MCEE: variants seen among roughly 807,000 people sequenced by gnomAD.
MCEE encodes the protein methylmalonyl-CoA epimerase, mitochondrial.
MCEE carries 6 observed loss-of-function variants against 12.9 expected under a neutral mutation model. That is an observed-to-expected ratio of 0.47 (90% CI 0.26 to 0.92). MCEE has a LOEUF of 0.92. Ranked by LOEUF, MCEE falls within the 40% of genes least tolerant of loss-of-function variation. The probability of loss-of-function intolerance (pLI) is 0.16; values close to 1 mark genes in which losing one functional copy is unlikely to be tolerated. For synonymous variants in MCEE, 78 were observed against 77.9 expected (o/e 1.00, Z -0.01); for missense variants, 214 against 212.1 (o/e 1.01, Z -0.05).
intron 1 of MCEE, among the ~76,000 whole-genome samples, chr2:71,129,036 C>G (rs975211809): frequency 6.6e-6 from 1 of 151,466 alleles, no homozygotes; most frequent in South Asian, 2.1e-4. Context: ...ACCACACACA[C>G]ACACACACAA....
At chr2:71,110,173 C>G in intron 2 of MCEE, 51 bp from the exon 3 acceptor site, 1 of 1,534,880 alleles carries the variant, frequency 6.5e-7, no homozygotes, top group South Asian at 1.1e-5. Context: ...AAAATACCAA[C>G]TTATAGTATC....
At chr2:71,120,629 C>A (rs6733097) in intron 2 of MCEE, among the ~76,000 whole-genome samples, 129,158 of 149,872 alleles carry the variant, frequency 0.86, 56,640 homozygotes, top group East Asian at 1. Context: ...GAGCATGCAC[C>A]AACAGATATA....
intron 1 of MCEE, among the ~76,000 whole-genome samples, chr2:71,125,205 ATATATATT>A (rs1238757807): frequency 9.4e-5 from 4 of 42,656 alleles, no homozygotes; most frequent in African/African-American, 3.1e-4. Context: ...ATATATATAT[ATATATATT>A]TTTTTTTTTT....
intron 1 of MCEE, among the ~76,000 whole-genome samples, chr2:71,125,211 A>ATATATTTT: frequency 3.5e-4 from 17 of 48,598 alleles, no homozygotes; most frequent in East Asian, 2.5e-3. Context: ...ATATATATAT[A>ATATATTTT]TTTTTTTTTT....
chr2:71,124,789 AG>A (rs1184949727), intron 1 of MCEE, among the ~76,000 whole-genome samples: 1 of 152,198 alleles, frequency 6.6e-6, no homozygotes, highest in Non-Finnish European at 1.5e-5. Context: ...TTTAAAACAC[AG>A]GATAACATTT....
chr2:71,124,180 A>G (rs940277270), intron 2 of MCEE, 26 bp downstream of exon 2: 7 of 1,516,588 alleles, frequency 4.6e-6, no homozygotes, highest in African/African-American at 4.1e-5. Context: ...GATTTAAAAT[A>G]CCAGGCATTA....
At chr2:71,125,211 A>ATATATATTTTTTTT in intron 1 of MCEE, among the ~76,000 whole-genome samples, 9 of 48,608 alleles carry the variant, frequency 1.9e-4, no homozygotes, top group South Asian at 8.9e-4. Context: ...ATATATATAT[A>ATATATATTTTTTTT]TTTTTTTTTT....
intron 2 of MCEE, among the ~76,000 whole-genome samples, chr2:71,117,807 A>C (rs1673022130): frequency 2.0e-5 from 3 of 150,054 alleles, no homozygotes; most frequent in African/African-American, 7.6e-5. Flanking sequence ...CTGGGAAGCC[A>C]GGCTCCCATG....
At chr2:71,113,713 A>C (rs1329438841) in intron 2 of MCEE, among the ~76,000 whole-genome samples, 1 of 152,196 alleles carries the variant, frequency 6.6e-6, no homozygotes, top group African/African-American at 2.4e-5. Flanking sequence ...ATAAATATCC[A>C]CAAGTCCATA....
chr2:71,128,528 C>CA (rs1167995507), intron 1 of MCEE, among the ~76,000 whole-genome samples: 1 of 96,554 alleles, frequency 1.0e-5, no homozygotes, highest in African/African-American at 3.4e-5. Context: ...TCTTAAAAAG[C>CA]AATTTTTTTT....
intron 2 of MCEE, among the ~76,000 whole-genome samples, 190 bp downstream of exon 2, chr2:71,124,016 A>C (rs1673157357): frequency 6.6e-6 from 1 of 152,188 alleles, no homozygotes; most frequent in East Asian, 1.9e-4. Context: ...TTAATATTAT[A>C]TGTTAGAATT....
At chr2:71,124,695 G>T in intron 1 of MCEE, 152 bp from the exon 2 acceptor site, 1 of 648,084 alleles carries the variant, frequency 1.5e-6, no homozygotes, top group Non-Finnish European at 2.7e-6. Flanking sequence ...GAGATAAATG[G>T]AAAAACTTAC....
In MCEE at chr2:71,124,239, G is replaced by C; in HGVS notation, c.345C>G (p.Asn115Lys). 3 of 1,614,004 alleles carry C rather than the reference G, an allele frequency of 1.9e-6. No individual in the cohort carries two copies. The highest frequency in any genetic ancestry group is 2.5e-6 in the Non-Finnish European group (3 of 1,179,884). Reference sequence around the variant, plus strand: ...AGATGTGATGCATTCCTCCAGCCTTGTTTTTCTGCAGAAAACCTGCAATTG... The same window carrying C: ...AGATGTGATGCATTCCTCCAGCCTTCTTTTTCTGCAGAAAACCTGCAATTG... ...DSPIAGFLQK[N>K]KAGGMHHICI... The change falls in exon 2 of 3, where the codon AAC becomes AAG. Residue 115 changes from asparagine (N) to lysine (K), a missense_variant. Physicochemically the swap from Asn to Lys is moderately conservative, Grantham distance 94. Transcript: ENST00000244217.
intron 2 of MCEE, among the ~76,000 whole-genome samples, chr2:71,116,427 C>CT (rs1211167215): frequency 1.3e-5 from 2 of 148,982 alleles, no homozygotes; most frequent in African/African-American, 2.6e-5. Flanking sequence ...TTCTTTCTTT[C>CT]TTTTTTTTGG....
rs765300722 is a variant in MCEE, at chr2:71,110,009, T to C, written c.492A>G (p.Lys164=). ...HGKPVIFLHP[K]DCGGVLVELE... is the part of the protein sequence containing the mutation. ...GTTCCACAAGGACTCCACCACAGTC[T>C]TTAGGATGGAGAAAAATCACTGGTT... is the stretch of plus-strand genomic sequence containing the variant. The change falls in exon 3 of 3, where the codon AAA becomes AAG. Residue 164 remains lysine, a synonymous_variant. Transcript: ENST00000244217. 6.2e-7 allele frequency: 1 copy of C among 1,613,788 alleles called. No individual in the cohort carries two copies. The highest frequency in any genetic ancestry group is 8.5e-7 in the Non-Finnish European group (1 of 1,179,826).
chr2:71,124,598 A>C, intron 1 of MCEE, 55 bp from the exon 2 acceptor site: 1 of 1,367,214 alleles, frequency 7.3e-7, no homozygotes, highest in Non-Finnish European at 1.0e-6. Context: ...CGCACTTCTA[A>C]ATTGAATTTT....
Position 71,109,916 on chromosome 2 carries a change from T to C in MCEE, c.*54A>G. 1 of 1,571,618 alleles carries C rather than the reference T, an allele frequency of 6.4e-7. No individual in the cohort carries two copies. The highest frequency in any genetic ancestry group is 1.3e-5 in the African/African-American group (1 of 74,234). ...GACTCAATGTCATAGTACATTTTGA[T>C]AGTATTTGATAGGCTTTTTCAGGTC... On this transcript the variant is annotated 3_prime_UTR_variant, in exon 3 of 3. Coordinates refer to ENST00000244217, the MANE Select transcript of MCEE (RefSeq NM_032601.4).
intron 2 of MCEE, among the ~76,000 whole-genome samples, chr2:71,112,031 A>G: frequency 6.6e-6 from 1 of 152,348 alleles, no homozygotes; most frequent in South Asian, 2.1e-4. Flanking sequence ...GTCAGCAACT[A>G]AAAAGTGTCA....
At chr2:71,125,188 A>AATATATATATATATATAT (rs67615436) in intron 1 of MCEE, among the ~76,000 whole-genome samples, 58 of 65,586 alleles carry the variant, frequency 8.8e-4, no homozygotes, top group Non-Finnish European at 1.6e-3. Context: ...TATATATATA[A>AATATATATATATATATAT]ATATATATAT....
Sources: allele counts gnomAD v4.1 joint callset (sites outside exome capture counted in the v4.1 genomes callset), GRCh38; gene constraint gnomAD v4.1.1; transcripts MANE v1.5; gene names NCBI Gene and HGNC (gene_info 2026-07-23, HGNC 2026-07-21).